The following NAALADL2 variants were observed in gnomAD, a reference collection of about 807,000 sequenced individuals.
NAALADL2 encodes the protein N-acetylated alpha-linked acidic dipeptidase like 2.
Under a neutral mutation model 87.2 loss-of-function variants are expected in NAALADL2, and 76 were observed. The observed-to-expected ratio is 0.87, with a 90% CI of 0.72 to 1.05. The LOEUF (loss-of-function observed/expected upper bound fraction) is 1.05, where lower values mean the gene tolerates loss of function less well. Among genes scored for constraint, NAALADL2 ranks in the 50% least tolerant of loss-of-function variants. NAALADL2 has a pLI of 0.00. For missense variants in NAALADL2, 1,089 were observed against 945.8 expected, an observed-to-expected ratio of 1.15 and a Z score of -1.99; for synonymous variants, 354 against 331.0, an observed-to-expected ratio of 1.07 and a Z score of -0.75.
Position 175,365,348 on chromosome 3 carries a change from G to A in NAALADL2, c.1090+41023G>A, listed in dbSNP as rs1765438024. Among the ~76,000 whole-genome samples the A allele has an allele frequency of 2.0e-5, 3 of 146,828 alleles. 1 individual carries two copies. In the South Asian group the frequency reaches 6.6e-4, roughly 32 times the overall value. On this transcript the variant is annotated intron_variant, in intron 5 of 13. Coordinates refer to ENST00000454872, the MANE Select transcript of NAALADL2 (RefSeq NM_207015.3). ...TATTACATTATTTCATTATTTTGGT[G>A]AATTTTTGCAAAAATCTATTTAGAT...
intron 3 of NAALADL2, among the ~76,000 whole-genome samples, chr3:175,256,119 A>G (rs1266506454): frequency 6.6e-6 from 1 of 152,236 alleles, no homozygotes; most frequent in Non-Finnish European, 1.5e-5. Flanking sequence ...ACATGAATGT[A>G]GAATATCCCA....
At chr3:175,109,561 G>C (rs1345479713) in intron 2 of NAALADL2, among the ~76,000 whole-genome samples, 1 of 151,674 alleles carries the variant, frequency 6.6e-6, no homozygotes, top group Non-Finnish European at 1.5e-5. Flanking sequence ...AAAGAAGAGA[G>C]GGAGGGAAAG....
chr3:174,814,899 A>C (rs1292883928), intron 3 of NAALADL2, among the ~76,000 whole-genome samples: 2 of 152,190 alleles, frequency 1.3e-5, no homozygotes, highest in African/African-American at 4.8e-5. Context: ...ACGTTATTTC[A>C]AAATTTTTAT....
At chr3:174,874,057 G>T (rs572680711) in intron 1 of NAALADL2, among the ~76,000 whole-genome samples, 38 of 152,090 alleles carry the variant, frequency 2.5e-4, no homozygotes, top group African/African-American at 9.2e-4. Flanking sequence ...TCCTGGGCTG[G>T]CATAATACAA....
intron 4 of NAALADL2, among the ~76,000 whole-genome samples, chr3:175,282,136 A>G (rs1754390413): frequency 6.6e-6 from 1 of 152,094 alleles, no homozygotes; most frequent in African/African-American, 2.4e-5. Flanking sequence ...TAAAAATTTA[A>G]TGTTTTACAA....
intron 13 of NAALADL2, among the ~76,000 whole-genome samples, chr3:175,786,177 T>A (rs377483318): frequency 6.6e-6 from 1 of 151,780 alleles, no homozygotes; most frequent in Non-Finnish European, 1.5e-5. Flanking sequence ...CAATTATGTG[T>A]CTTGGAGTTG....
chr3:175,294,276 A>G (rs1385743597), intron 4 of NAALADL2, among the ~76,000 whole-genome samples: 1 of 152,178 alleles, frequency 6.6e-6, no homozygotes, highest in Non-Finnish European at 1.5e-5. Context: ...TGAAGATTTA[A>G]TACCTACTTA....
At chr3:175,252,632 C>A (rs938484426) in intron 3 of NAALADL2, among the ~76,000 whole-genome samples, 3 of 152,064 alleles carry the variant, frequency 2.0e-5, no homozygotes, top group Admixed American at 1.3e-4. Flanking sequence ...AATGATTAAG[C>A]TTAGTAAGGA....
intron 2 of NAALADL2, among the ~76,000 whole-genome samples, chr3:174,638,888 G>A (rs1014481988): frequency 6.6e-6 from 1 of 152,108 alleles, no homozygotes; most frequent in Non-Finnish European, 1.5e-5. Context: ...TTACTGCTTT[G>A]CTTCTTTAAG....
At chr3:174,969,557 A>G (rs1010492366) in intron 1 of NAALADL2, among the ~76,000 whole-genome samples, 1 of 152,220 alleles carries the variant, frequency 6.6e-6, no homozygotes, top group Non-Finnish European at 1.5e-5. Flanking sequence ...GTATATTTAA[A>G]TTTATTGTAA....
At chr3:175,166,113 C>T (rs965426109) in intron 2 of NAALADL2, among the ~76,000 whole-genome samples, 3 of 151,060 alleles carry the variant, frequency 2.0e-5, no homozygotes, top group Non-Finnish European at 4.4e-5. Context: ...AGTATATATA[C>T]ACATTTGAAT....
At chr3:175,638,332 ACTTCTT>A (rs937095944) in intron 11 of NAALADL2, among the ~76,000 whole-genome samples, 1 of 152,134 alleles carries the variant, frequency 6.6e-6, no homozygotes, top group Admixed American at 6.5e-5. Flanking sequence ...GAAGATTCAG[ACTTCTT>A]CTTCTATCTT....
intron 5 of NAALADL2, among the ~76,000 whole-genome samples, chr3:175,349,434 A>AT (rs1763505937): frequency 6.6e-6 from 1 of 152,166 alleles, no homozygotes; most frequent in Admixed American, 6.6e-5. Context: ...GGAGGGGGAA[A>AT]TGAGGCATAA....
rs184555540 is a variant in NAALADL2, at chr3:174,964,984, A to C, written c.43+105534A>C. On this transcript the variant is annotated intron_variant, in intron 1 of 13. Coordinates refer to ENST00000454872, the MANE Select transcript of NAALADL2 (RefSeq NM_207015.3). Reference sequence around the variant, plus strand: ...TGTATTACTTATGTATTGCTACATCAAAAAAAATGTAGTGGCTTAAAAAGA... The same window carrying C: ...TGTATTACTTATGTATTGCTACATCCAAAAAAATGTAGTGGCTTAAAAAGA... 7.6e-4 allele frequency among the ~76,000 whole-genome samples: 115 copies of C among 151,410 alleles called. 3 individuals are homozygous for C. In the East Asian group the frequency reaches 0.02, roughly 27 times the overall value.
intron 1 of NAALADL2, among the ~76,000 whole-genome samples, chr3:174,920,071 C>T: frequency 6.6e-6 from 1 of 152,130 alleles, no homozygotes; most frequent in South Asian, 2.1e-4. Context: ...CTTGATGTTC[C>T]ATTTTATAGA....
chr3:174,781,247 A>G (rs754042606), intron 3 of NAALADL2, among the ~76,000 whole-genome samples: 1 of 151,818 alleles, frequency 6.6e-6, no homozygotes, highest in Non-Finnish European at 1.5e-5. Flanking sequence ...GAATCTGACA[A>G]TTATGTGTCT....
At chr3:175,530,971 A>C (rs1734016047) in intron 9 of NAALADL2, among the ~76,000 whole-genome samples, 2 of 152,126 alleles carry the variant, frequency 1.3e-5, no homozygotes, top group African/African-American at 4.8e-5. Context: ...AGAAGATGGC[A>C]GGGCCTTACT....
intron 5 of NAALADL2, among the ~76,000 whole-genome samples, chr3:175,391,398 C>A (rs1169735713): frequency 6.6e-6 from 1 of 152,174 alleles, no homozygotes; most frequent in Non-Finnish European, 1.5e-5. Context: ...CTTCTGTGGG[C>A]CCTCCCTTGA....
intron 11 of NAALADL2, among the ~76,000 whole-genome samples, chr3:175,653,322 A>G (rs990420693): frequency 2.0e-5 from 3 of 152,184 alleles, no homozygotes; most frequent in African/African-American, 7.2e-5. Context: ...TTCAGGGCTC[A>G]TATCGTAGAA....
Sources: gnomAD v4.1 joint callset for allele counts (sites outside exome capture counted in the v4.1 genomes callset) on GRCh38, gnomAD v4.1.1 for gene constraint, MANE v1.5 for transcripts, NCBI Gene and HGNC (gene_info 2026-07-23, HGNC 2026-07-21) for gene names.